Variants in TLE4 observed in about 807,000 individuals in gnomAD.
TLE4 encodes the protein TLE family member 4, transcriptional corepressor, also known as transducin-like enhancer protein 4.
Under a neutral mutation model 92.8 loss-of-function variants are expected in TLE4, and 8 were observed. The ratio of observed to expected loss-of-function variants is 0.09; its 90% CI spans 0.05 to 0.16. TLE4 has a LOEUF of 0.16. Ranked by LOEUF, TLE4 falls within the 10% of genes least tolerant of loss-of-function variation. The pLI, the probability that TLE4 is intolerant of heterozygous loss-of-function variation, is 1.00. For synonymous variants in TLE4, 371 were observed against 374.1 expected, an observed-to-expected ratio of 0.99 and a Z score of 0.10; for missense variants, 675 against 997.6, an observed-to-expected ratio of 0.68 and a Z score of 4.36.
intron 8 of TLE4, among the ~76,000 whole-genome samples, chr9:79,701,473 AT>A (rs1376135173): frequency 7.2e-5 from 11 of 152,360 alleles, no homozygotes; most frequent in African/African-American, 2.4e-4. Context: ...TTGTTTAGAA[AT>A]TTTTCCTCTT....
intron 5 of TLE4, among the ~76,000 whole-genome samples, chr9:79,620,111 G>A (rs926582282): frequency 2.6e-5 from 4 of 152,162 alleles, no homozygotes; most frequent in African/African-American, 9.6e-5. Context: ...ACCTTTATCT[G>A]TATGTCTCAA....
chr9:79,635,690 T>TTA, intron 6 of TLE4, among the ~76,000 whole-genome samples: 1 of 152,076 alleles, frequency 6.6e-6, no homozygotes, highest in Non-Finnish European at 1.5e-5. Context: ...TCAATTAACC[T>TTA]TATATGTATG....
chr9:79,705,651 A>G (rs191827478), intron 9 of TLE4, among the ~76,000 whole-genome samples: 1 of 152,340 alleles, frequency 6.6e-6, no homozygotes, highest in Admixed American at 6.5e-5. Flanking sequence ...TGAAAAATGT[A>G]ATCAGGTCAC....
At chr9:79,610,998 G>A (rs538716891) in intron 4 of TLE4, among the ~76,000 whole-genome samples, 5 of 152,086 alleles carry the variant, frequency 3.3e-5, no homozygotes, top group African/African-American at 1.2e-4. Context: ...TCATCAGTTT[G>A]GTCTGCCCCA....
chr9:79,637,981 A>G (rs1429106021), intron 6 of TLE4, among the ~76,000 whole-genome samples: 1 of 152,180 alleles, frequency 6.6e-6, no homozygotes, highest in African/African-American at 2.4e-5. Flanking sequence ...CTGATATGAA[A>G]TAGCAAAATA....
At chr9:79,667,566 CTG>C (rs2061604850) in intron 8 of TLE4, among the ~76,000 whole-genome samples, 6 of 152,184 alleles carry the variant, frequency 3.9e-5, no homozygotes, top group Admixed American at 3.9e-4. Context: ...TGCTTTGACA[CTG>C]TGTTTTATAG....
chr9:79,660,962 TG>T (rs2060454600), intron 8 of TLE4, among the ~76,000 whole-genome samples: 1 of 152,312 alleles, frequency 6.6e-6, no homozygotes, highest in Admixed American at 6.5e-5. Context: ...TTTGGCAAAA[TG>T]GTTTATTCCT....
At chr9:79,689,612 GGTTATGATTGC>G (rs1429207401) in intron 8 of TLE4, among the ~76,000 whole-genome samples, 1 of 152,140 alleles carries the variant, frequency 6.6e-6, no homozygotes, top group African/African-American at 2.4e-5. Flanking sequence ...CTTATGACAT[GGTTATGATTGC>G]GTTTTTTCTC....
intron 4 of TLE4, among the ~76,000 whole-genome samples, chr9:79,582,779 A>G (rs2132064686): frequency 6.6e-6 from 1 of 151,412 alleles, no homozygotes; most frequent in East Asian, 2.0e-4. Context: ...CCCTCTACAC[A>G]CCCTCTTAAA....
At chr9:79,696,802 G>T (rs939164497) in intron 8 of TLE4, among the ~76,000 whole-genome samples, 6 of 152,166 alleles carry the variant, frequency 3.9e-5, no homozygotes, top group Non-Finnish European at 5.9e-5. Flanking sequence ...CTTCAGCTTT[G>T]TCAAAGCAGC....
chr9:79,633,594 A>G (rs1587593220), intron 6 of TLE4, among the ~76,000 whole-genome samples: 1 of 152,238 alleles, frequency 6.6e-6, no homozygotes, highest in Middle Eastern at 3.4e-3. Context: ...GCTTATGCAG[A>G]GGTCTGAGGA....
intron 8 of TLE4, among the ~76,000 whole-genome samples, chr9:79,660,634 G>A (rs1303543072): frequency 2.0e-5 from 3 of 152,194 alleles, no homozygotes; most frequent in Non-Finnish European, 4.4e-5. Context: ...CAGTTAAGAA[G>A]TTTTGTTCTA....
chr9:79,587,609 A>G lies in TLE4; in HGVS notation c.252+11432A>G, dbSNP rs535933578. ...GGTTTTTTTTTGTTTTTGTGTTTGT[A>G]TTTTTGTAGAATCTCACTTTGAGCA... On this transcript the variant is annotated intron_variant, in intron 4 of 19. Coordinates refer to ENST00000376552, the MANE Select transcript of TLE4 (RefSeq NM_007005.6). 2.3e-4 allele frequency among the ~76,000 whole-genome samples: 35 copies of G among 152,130 alleles called. 2 individuals are homozygous for G. In the South Asian group the frequency reaches 7.0e-3, roughly 31 times the overall value.
chr9:79,606,716 T>G (rs2047083051), intron 4 of TLE4, among the ~76,000 whole-genome samples: 2 of 152,190 alleles, frequency 1.3e-5, no homozygotes, highest in Non-Finnish European at 1.5e-5. Flanking sequence ...TCGTCTTTTT[T>G]TATGGCTGCA....
intron 8 of TLE4, among the ~76,000 whole-genome samples, chr9:79,667,035 T>C (rs2061510037): frequency 6.6e-6 from 1 of 152,242 alleles, no homozygotes; most frequent in African/African-American, 2.4e-5. Flanking sequence ...GGTCCTCACG[T>C]ATTTTCTTGT....
intron 4 of TLE4, among the ~76,000 whole-genome samples, chr9:79,596,327 C>G (rs1299054783): frequency 6.6e-6 from 1 of 152,128 alleles, no homozygotes; most frequent in African/African-American, 2.4e-5. Flanking sequence ...TTCACTGCAT[C>G]TAGGGCAAGT....
intron 8 of TLE4, among the ~76,000 whole-genome samples, chr9:79,694,213 A>G (rs760446977): frequency 5.3e-5 from 8 of 152,162 alleles, no homozygotes; most frequent in Non-Finnish European, 1.2e-4. Context: ...ATAGACCAGG[A>G]CTCACAATTG....
chr9:79,585,923 T>C (rs2040956549), intron 4 of TLE4, among the ~76,000 whole-genome samples: 1 of 152,192 alleles, frequency 6.6e-6, no homozygotes, highest in Non-Finnish European at 1.5e-5. Context: ...GGTTTACAAT[T>C]CACTGATTCT....
intron 8 of TLE4, among the ~76,000 whole-genome samples, chr9:79,682,502 C>A (rs542479786): frequency 1.3e-5 from 2 of 152,214 alleles, no homozygotes; most frequent in East Asian, 3.9e-4. Flanking sequence ...AAAACCTTGT[C>A]CTTTTCAGCT....
Sources: gnomAD v4.1 joint callset for allele counts (sites outside exome capture counted in the v4.1 genomes callset) on GRCh38, gnomAD v4.1.1 for gene constraint, MANE v1.5 for transcripts, NCBI Gene and HGNC (gene_info 2026-07-23, HGNC 2026-07-21) for gene names.